CCNY: variants seen among roughly 807,000 people sequenced by gnomAD.
CCNY encodes cyclin Y.
A neutral mutation model predicts 42.8 loss-of-function variants in CCNY; 19 were observed. The observed-to-expected ratio is 0.44, with a 90% CI of 0.31 to 0.65. The LOEUF (loss-of-function observed/expected upper bound fraction) is 0.65. CCNY is among the 30% of genes least tolerant of loss of function. CCNY has a pLI of 0.07. For missense variants in CCNY, 370 were observed against 437.3 expected (o/e 0.85, Z 1.37); for synonymous variants, 165 against 162.7 (o/e 1.01, Z -0.11).
intron 3 of CCNY, among the ~76,000 whole-genome samples, chr10:35,323,695 G>A (rs894807917): frequency 5.3e-5 from 8 of 152,114 alleles, no homozygotes; most frequent in Admixed American, 3.3e-4. Context: ...TGGTGATGGT[G>A]GTTACATGCG....
At chr10:35,288,983 C>T (rs977332681) in intron 3 of CCNY, among the ~76,000 whole-genome samples, 1 of 152,078 alleles carries the variant, frequency 6.6e-6, no homozygotes, top group Non-Finnish European at 1.5e-5. Flanking sequence ...TTTCAAAAAT[C>T]CTTCTGAGAC....
At chr10:35,438,446 A>G (rs1838591495) in intron 1 of CCNY, among the ~76,000 whole-genome samples, 1 of 152,134 alleles carries the variant, frequency 6.6e-6, no homozygotes, top group Non-Finnish European at 1.5e-5. Context: ...ATGAGCCATC[A>G]TGCTTGGCCT....
At chr10:35,292,432 C>T (rs567492344) in intron 3 of CCNY, among the ~76,000 whole-genome samples, 5 of 151,884 alleles carry the variant, frequency 3.3e-5, no homozygotes, top group African/African-American at 7.2e-5. Flanking sequence ...GGCACGATCT[C>T]GGCTCACTGC....
chr10:35,542,082 C>T (rs1841013971), intron 7 of CCNY, among the ~76,000 whole-genome samples: 1 of 149,012 alleles, frequency 6.7e-6, no homozygotes, highest in Admixed American at 6.8e-5. Flanking sequence ...CCCAGCATCC[C>T]TTTTCTTCTT....
intron 2 of CCNY, among the ~76,000 whole-genome samples, chr10:35,500,874 A>G (rs1161730938): frequency 2.0e-5 from 3 of 151,640 alleles, no homozygotes; most frequent in Non-Finnish European, 4.4e-5. Flanking sequence ...AGCAGTATCA[A>G]TTATGGTGAC....
chr10:35,361,609 C>G (rs558655766), intron 1 of CCNY, among the ~76,000 whole-genome samples: 1 of 152,150 alleles, frequency 6.6e-6, no homozygotes, highest in Non-Finnish European at 1.5e-5. Flanking sequence ...TGTTATTTTT[C>G]AGGTGCATGT....
At chr10:35,247,276 G>T (rs1045856754) in intron 1 of CCNY, 1 of 153,056 alleles carries the variant, frequency 6.5e-6, no homozygotes, top group Non-Finnish European at 1.5e-5. Flanking sequence ...CAGGGAACAG[G>T]GCATGATCTA....
At chr10:35,252,281 C>T (rs1229426693) in intron 3 of CCNY, among the ~76,000 whole-genome samples, 1 of 152,010 alleles carries the variant, frequency 6.6e-6, no homozygotes, top group African/African-American at 2.4e-5. Flanking sequence ...ATGAGAATAT[C>T]CTGGCCGGGC....
chr10:35,509,052 C>T (rs565466050), intron 3 of CCNY, among the ~76,000 whole-genome samples: 4 of 152,312 alleles, frequency 2.6e-5, no homozygotes, highest in African/African-American at 7.2e-5. Flanking sequence ...ATCCGTGTAT[C>T]TCAGTACTTC....
At chr10:35,340,504 CTTTT>C (rs1210434335) in intron 1 of CCNY, among the ~76,000 whole-genome samples, 3 of 132,696 alleles carry the variant, frequency 2.3e-5, no homozygotes, top group Non-Finnish European at 3.3e-5. Context: ...CAACTTCATT[CTTTT>C]TTTTTTTTTT....
chr10:35,536,575 T>C (rs959085799), intron 7 of CCNY, among the ~76,000 whole-genome samples: 5 of 152,156 alleles, frequency 3.3e-5, no homozygotes, highest in African/African-American at 9.7e-5. Flanking sequence ...GATAGCGATA[T>C]GGACAATAAG....
chr10:35,301,727 G>A (rs969582083), intron 3 of CCNY, among the ~76,000 whole-genome samples: 27 of 151,964 alleles, frequency 1.8e-4, no homozygotes, highest in Non-Finnish European at 3.7e-4. Flanking sequence ...CTCCCTGGGC[G>A]CAAGTGATCC....
At chr10:35,341,322 G>A (rs1201320506) in intron 1 of CCNY, among the ~76,000 whole-genome samples, 2 of 152,106 alleles carry the variant, frequency 1.3e-5, no homozygotes, top group Non-Finnish European at 2.9e-5. Flanking sequence ...TGCAGCCTTG[G>A]TTCAAGCCTG....
At chr10:35,569,020 C>A in intron 9 of CCNY, 34 bp from the exon 10 acceptor site, 1 of 1,418,980 alleles carries the variant, frequency 7.0e-7, no homozygotes, top group Non-Finnish European at 1.0e-6. Context: ...AGATATGGCC[C>A]GCCCTGACCC....
chr10:35,419,923 ATT>A (rs1218102375), intron 1 of CCNY, among the ~76,000 whole-genome samples: 6,902 of 135,476 alleles, frequency 0.051, 230 homozygotes, highest in African/African-American at 0.1. Flanking sequence ...TATGGCTGTA[ATT>A]TTTTTTTTTT....
intron 1 of CCNY, among the ~76,000 whole-genome samples, chr10:35,385,896 T>C (rs1837290844): frequency 6.6e-6 from 1 of 152,220 alleles, no homozygotes; most frequent in African/African-American, 2.4e-5. Context: ...AGGGATTTCA[T>C]TGAGCACAAA....
intron 3 of CCNY, among the ~76,000 whole-genome samples, chr10:35,330,538 G>C (rs1310252295): frequency 6.6e-6 from 1 of 152,070 alleles, no homozygotes; most frequent in African/African-American, 2.4e-5. Context: ...ACCAATTCCT[G>C]GCTAGATCGG....
At chr10:35,507,441 T>G (rs903244730) in intron 3 of CCNY, among the ~76,000 whole-genome samples, 1 of 152,198 alleles carries the variant, frequency 6.6e-6, no homozygotes, top group Non-Finnish European at 1.5e-5. Flanking sequence ...TCATTGTCTT[T>G]TATTATTTTT....
intron 3 of CCNY, among the ~76,000 whole-genome samples, chr10:35,262,887 T>A (rs16935949): frequency 6.6e-6 from 1 of 150,904 alleles, no homozygotes; most frequent in African/African-American, 2.4e-5. Context: ...AAATGAAACA[T>A]GAAAAAAATT....
Sources: gnomAD v4.1 joint callset for allele counts (sites outside exome capture counted in the v4.1 genomes callset) on GRCh38, gnomAD v4.1.1 for gene constraint, MANE v1.5 for transcripts, NCBI Gene and HGNC (gene_info 2026-07-23, HGNC 2026-07-21) for gene names.